The following SDK1 variants were observed in gnomAD, a reference collection of about 807,000 sequenced individuals.
SDK1 encodes the protein sidekick cell adhesion molecule 1.
Under a neutral mutation model 245.5 loss-of-function variants are expected in SDK1, and 157 were observed. That is an observed-to-expected ratio of 0.64 (90% CI 0.56 to 0.73). SDK1 has a LOEUF of 0.73. Among genes scored for constraint, SDK1 ranks in the 30% least tolerant of loss-of-function variants. SDK1 has a pLI of 0.00. For synonymous variants in SDK1, 1,647 were observed against 1,278.5 expected, an observed-to-expected ratio of 1.29 and a Z score of -6.15; for missense variants, 3,583 against 3,002.3, an observed-to-expected ratio of 1.19 and a Z score of -4.52.
chr7:3,510,512 G>T (rs1250160379), intron 1 of SDK1, among the ~76,000 whole-genome samples: 3 of 152,132 alleles, frequency 2.0e-5, no homozygotes, highest in Non-Finnish European at 2.9e-5. Flanking sequence ...TTGTACATGG[G>T]AGCCCTCAGA....
At chr7:3,508,477 G>A (rs183438313) in intron 1 of SDK1, among the ~76,000 whole-genome samples, 40 of 151,732 alleles carry the variant, frequency 2.6e-4, no homozygotes, top group Middle Eastern at 3.4e-3. Flanking sequence ...ACAGCTGCCC[G>A]CCACCATGCC....
intron 2 of SDK1, among the ~76,000 whole-genome samples, chr7:3,624,009 A>G (rs1442785481): frequency 6.6e-6 from 1 of 152,192 alleles, no homozygotes; most frequent in Non-Finnish European, 1.5e-5. Flanking sequence ...CAGTATCAAT[A>G]AAAATTATGA....
At chr7:3,637,227 A>C (rs58688082) in intron 2 of SDK1, among the ~76,000 whole-genome samples, 159 of 151,906 alleles carry the variant, frequency 1.0e-3, no homozygotes, top group African/African-American at 3.8e-3. Context: ...CCCCCCAGGT[A>C]GCTGGGATTA....
chr7:3,700,235 A>G (rs900633253), intron 4 of SDK1, among the ~76,000 whole-genome samples: 2 of 152,226 alleles, frequency 1.3e-5, no homozygotes, highest in Non-Finnish European at 2.9e-5. Context: ...TTTTATTTTT[A>G]TTAAGATGAG....
intron 1 of SDK1, among the ~76,000 whole-genome samples, chr7:3,513,505 G>A (rs1184386362): frequency 1.3e-5 from 2 of 152,074 alleles, no homozygotes; most frequent in African/African-American, 4.8e-5. Flanking sequence ...AAGACACAAA[G>A]AAGAATTAAG....
intron 5 of SDK1, among the ~76,000 whole-genome samples, chr7:3,827,586 G>T (rs1487383383): frequency 1.3e-5 from 2 of 152,228 alleles, no homozygotes; most frequent in East Asian, 1.9e-4. Context: ...GGACCTACGT[G>T]TGTTGTCAGC....
At chr7:3,430,376 A>G (rs997542862) in intron 1 of SDK1, among the ~76,000 whole-genome samples, 8 of 152,130 alleles carry the variant, frequency 5.3e-5, no homozygotes, top group Non-Finnish European at 8.8e-5. Flanking sequence ...CAAGACTACA[A>G]GCGTATTTCA....
At chr7:3,557,937 G>A (rs1316964769) in intron 1 of SDK1, among the ~76,000 whole-genome samples, 1 of 152,110 alleles carries the variant, frequency 6.6e-6, no homozygotes, top group African/African-American at 2.4e-5. Context: ...AGAAAAGTAT[G>A]CTTGTACATT....
chr7:3,366,039 C>CA (rs59233768), intron 1 of SDK1, among the ~76,000 whole-genome samples: 82,567 of 140,056 alleles, frequency 0.59, 24,019 homozygotes, highest in South Asian at 0.75. Flanking sequence ...AATTCTGTCT[C>CA]AAAAAAAAAA....
At chr7:3,802,368 AAAAT>A (rs1210063999) in intron 4 of SDK1, among the ~76,000 whole-genome samples, 1 of 152,114 alleles carries the variant, frequency 6.6e-6, no homozygotes, top group Admixed American at 6.6e-5. Context: ...TAAAAAAATA[AAAAT>A]AAATAAATAA....
chr7:3,574,381 G>T (rs1466565904), intron 1 of SDK1, among the ~76,000 whole-genome samples: 1 of 152,030 alleles, frequency 6.6e-6, no homozygotes, highest in Non-Finnish European at 1.5e-5. Flanking sequence ...TTCCCAAAGT[G>T]CTGGGATTAC....
chr7:3,366,953 G>A (rs1029229178), intron 1 of SDK1, among the ~76,000 whole-genome samples: 4 of 151,954 alleles, frequency 2.6e-5, no homozygotes, highest in African/African-American at 9.7e-5. Context: ...TGTTGGCCAG[G>A]ATGGTCTCGA....
intron 23 of SDK1, 31 bp from the exon 24 acceptor site, chr7:4,113,258 C>T: frequency 1.2e-6 from 2 of 1,602,962 alleles, no homozygotes; most frequent in Non-Finnish European, 1.7e-6. Flanking sequence ...CTTTGCTTTG[C>T]CGTGACTCTC....
intron 32 of SDK1, among the ~76,000 whole-genome samples, chr7:4,164,795 C>T (rs987157706): frequency 6.6e-6 from 1 of 152,164 alleles, no homozygotes. Flanking sequence ...CCTGGAGGAG[C>T]TGGGCTGGTG....
At chr7:4,210,597 C>T (rs572916598) in intron 38 of SDK1, among the ~76,000 whole-genome samples, 6 of 152,310 alleles carry the variant, frequency 3.9e-5, no homozygotes, top group African/African-American at 1.4e-4. Context: ...AGGAGGGATG[C>T]TGGCATCCCC....
intron 28 of SDK1, among the ~76,000 whole-genome samples, chr7:4,143,533 C>G (rs1779725501): frequency 1.3e-5 from 2 of 152,298 alleles, no homozygotes; most frequent in Admixed American, 1.3e-4. Context: ...GGCTGCATGG[C>G]TCATCCACGG....
At chr7:3,747,656 G>C (rs1214033353) in intron 4 of SDK1, among the ~76,000 whole-genome samples, 1 of 152,088 alleles carries the variant, frequency 6.6e-6, no homozygotes, top group Non-Finnish European at 1.5e-5. Context: ...TATTGTACTA[G>C]GTAGCTGAGG....
At chr7:3,501,831 A>G (rs1782224568) in intron 1 of SDK1, among the ~76,000 whole-genome samples, 1 of 152,208 alleles carries the variant, frequency 6.6e-6, no homozygotes, top group Middle Eastern at 3.4e-3. Flanking sequence ...ACAAATATTT[A>G]TTACTCTTGA....
intron 39 of SDK1, among the ~76,000 whole-genome samples, chr7:4,220,520 T>G (rs1365385836): frequency 6.6e-6 from 1 of 151,644 alleles, no homozygotes; most frequent in African/African-American, 2.4e-5. Flanking sequence ...TAGTTGTTTT[T>G]TTTTTTTTTT....
Sources: gnomAD v4.1 joint callset for allele counts (sites outside exome capture counted in the v4.1 genomes callset) on GRCh38, gnomAD v4.1.1 for gene constraint, MANE v1.5 for transcripts, NCBI Gene and HGNC (gene_info 2026-07-23, HGNC 2026-07-21) for gene names.